The following ZNF480 variants were observed in gnomAD, a reference collection of about 807,000 sequenced individuals.
ZNF480 encodes zinc finger protein 480.
A neutral mutation model predicts 14.4 loss-of-function variants in ZNF480; 15 were observed. The ratio of observed to expected loss-of-function variants is 1.04; its 90% CI spans 0.70 to 1.60. The LOEUF is 1.60. Ranked by LOEUF, ZNF480 falls within the 40% of genes most tolerant of loss-of-function variation. The pLI, the probability that ZNF480 is intolerant of heterozygous loss-of-function variation, is 0.00. For synonymous variants in ZNF480, 218 were observed against 215.5 expected (o/e 1.01, Z -0.10); for missense variants, 593 against 629.7 (o/e 0.94, Z 0.62).
intron 2 of ZNF480, among the ~76,000 whole-genome samples, chr19:52,307,166 A>G (rs1361174048): frequency 6.6e-6 from 1 of 152,204 alleles, no homozygotes; most frequent in Non-Finnish European, 1.5e-5. Context: ...TGACTTCTTC[A>G]GTGTGCTGCC....
intron 2 of ZNF480, among the ~76,000 whole-genome samples, chr19:52,302,433 T>C (rs1489959266): frequency 2.6e-5 from 4 of 152,246 alleles, no homozygotes; most frequent in Admixed American, 1.3e-4. Context: ...TTGTGAATTA[T>C]ATGGGATGCC....
At position 52,310,719 on chromosome 19, in the gene ZNF480, A is replaced by G. The variant is rs147993636; in HGVS notation, c.73-3434A>G. ...GTAATTTCTTAAGATGTATACTGCT[A>G]GCCGGTCATGGTGGCTCATGCCTGT... On this transcript the variant is annotated intron_variant, in intron 2 of 4. Transcript: ENST00000595962. Among the ~76,000 whole-genome samples the G allele has an allele frequency of 8.4e-3, 1,281 of 151,962 alleles. 18 individuals carry two copies. The highest frequency in any genetic ancestry group is 0.028 in the African/African-American group (1,171 of 41,466).
Position 52,323,170 on chromosome 19 carries a change from T to G in ZNF480, c.*312T>G. 1 of 243,660 alleles carries G rather than the reference T, an allele frequency of 4.1e-6. No homozygotes were observed. Among genetic ancestry groups the G allele is most frequent in the East Asian group, 8.4e-5 (1 of 11,846 alleles). 15.1% of individuals were successfully genotyped at this position (243,660 alleles called of 1,614,324 possible). On this transcript the variant is annotated 3_prime_UTR_variant, in exon 5 of 5. Transcript: ENST00000595962. ...TACGAAAAACCCTCAAAGATTACTA[T>G]AAACACCTGTATGCACACAAACTAG...
Position 52,314,009 on chromosome 19 carries a change from A to T in ZNF480, c.73-144A>T, listed in dbSNP as rs891693901. ...AAAGAAAAAAAACACATTTACAGAC[A>T]CATAACTACATCACAGATACCTTAA... is the stretch of plus-strand genomic sequence containing the variant. On this transcript the variant is annotated intron_variant, in intron 2 of 4. Transcript: ENST00000595962. 40 of 906,308 alleles carry T rather than the reference A, an allele frequency of 4.4e-5. No individual in the cohort carries two copies. In the African/African-American group the frequency reaches 6.9e-4, roughly 16 times the overall value. The allele number at this position is 906,308 out of a possible 1,614,324, so 56.1% of individuals were successfully genotyped here. A position where few individuals can be genotyped will look rare whatever the true frequency, so the allele number is the denominator to read the frequency against.
chr19:52,298,614 A>G (rs1290164556), intron 1 of ZNF480, among the ~76,000 whole-genome samples: 1 of 151,832 alleles, frequency 6.6e-6, no homozygotes, highest in Non-Finnish European at 1.5e-5. Flanking sequence ...CTGGGCGACA[A>G]GAGCAAAACT....
chr19:52,318,753 A>G (rs925489935), intron 4 of ZNF480, among the ~76,000 whole-genome samples: 5 of 152,096 alleles, frequency 3.3e-5, no homozygotes. Flanking sequence ...CTTCAGCACT[A>G]TTTGATGAAG....
At position 52,309,175 on chromosome 19, in the gene ZNF480, A is replaced by G. The variant is rs73058024; in HGVS notation, c.73-4978A>G. Reference sequence around the variant, plus strand: ...TTTACTCCTTTACAACTTCATGTGAACGTTCTCTGAATTAACAATCAGTCA... The same window carrying G: ...TTTACTCCTTTACAACTTCATGTGAGCGTTCTCTGAATTAACAATCAGTCA... On this transcript the variant is annotated intron_variant, in intron 2 of 4. Transcript: ENST00000595962. Among the ~76,000 whole-genome samples, 514 of 152,272 alleles carry G rather than the reference A, an allele frequency of 3.4e-3. 2 individuals carry two copies. The highest frequency in any genetic ancestry group is 6.8e-3 in the South Asian group (33 of 4,818).
In ZNF480 at chr19:52,314,202, G is replaced by A. The variant is rs760337976; in HGVS notation, c.122G>A (p.Trp41Ter). ...GCCATAGAATTCTCTCAGGCGGAGT[G>A]GAAATGCCTGGACCCTGCACAGAGG... ...DVAIEFSQAE[W>*]KCLDPAQRAL... Residue 41 changes from tryptophan (W) to a stop codon, truncating the protein, a stop_gained, in exon 3 of 5, where the codon TGG becomes TAG. Coordinates refer to ENST00000595962, the MANE Select transcript of ZNF480 (RefSeq NM_144684.4). LOFTEE classifies it high-confidence loss of function. The A allele has an allele frequency of 8.8e-6, 14 of 1,584,282 alleles. No individual in the cohort carries two copies. Among genetic ancestry groups the A allele is most frequent in the Non-Finnish European group, 1.2e-5 (14 of 1,161,162 alleles).
At chr19:52,312,207 C>T (rs940610188) in intron 2 of ZNF480, among the ~76,000 whole-genome samples, 5 of 150,664 alleles carry the variant, frequency 3.3e-5, no homozygotes, top group Admixed American at 2.6e-4. Context: ...TGCAGTGGCG[C>T]GATATTGGCT....
At position 52,314,154 on chromosome 19, in the gene ZNF480, G is replaced by A; in HGVS notation, c.74G>A (p.Gly25Glu). Reference protein sequence around the residue: ...AKESGMALPQGHLTFRDVAIE... With the variant: ...AKESGMALPQEHLTFRDVAIE... ...GGTGAAATGTGGTTTTCATTTTAGG[G>A]ACACTTAACATTCAGGGACGTGGCC... The change falls in exon 3 of 5, where the codon GGA becomes GAA. Residue 25 changes from glycine to glutamate, a missense_variant and splice_region_variant. By Grantham distance (98) the Gly-to-Glu change is moderately conservative. Transcript: ENST00000595962. 1.3e-6 allele frequency: 2 copies of A among 1,562,798 alleles called. No individual in the cohort carries two copies. Among genetic ancestry groups the A allele is most frequent in the South Asian group, 2.2e-5 (2 of 90,574 alleles).
intron 3 of ZNF480, among the ~76,000 whole-genome samples, chr19:52,315,078 C>T (rs1175611534): frequency 6.6e-6 from 1 of 151,996 alleles, no homozygotes; most frequent in Non-Finnish European, 1.5e-5. Context: ...TTCGCCTTAG[C>T]CTCCCTAGTA....
intron 2 of ZNF480, among the ~76,000 whole-genome samples, chr19:52,306,180 G>C (rs1277010498): frequency 6.6e-6 from 1 of 152,164 alleles, no homozygotes; most frequent in African/African-American, 2.4e-5. Context: ...TGGCACTCAG[G>C]ATTGGCATTG....
At chr19:52,312,069 G>A (rs755994704) in intron 2 of ZNF480, among the ~76,000 whole-genome samples, 66 of 151,786 alleles carry the variant, frequency 4.3e-4, no homozygotes, top group Admixed American at 9.9e-4. Flanking sequence ...CCATGACCTC[G>A]GAAATTGTCG....
chr19:52,325,732 C>T lies in ZNF480; in HGVS notation c.*2874C>T, dbSNP rs541962402. ...GCTAAACATTGATTACACATGGACT[C>T]AAAGAAGGGAACAGTAGACACGGGC... On this transcript the variant is annotated 3_prime_UTR_variant, in exon 5 of 5. Transcript: ENST00000595962. 2 of 152,214 alleles carry T rather than the reference C, an allele frequency of 1.3e-5. No individual in the cohort carries two copies. The highest frequency in any genetic ancestry group is 1.9e-4 in the East Asian group (1 of 5,176). 9.4% of individuals were successfully genotyped at this position (152,214 alleles called of 1,614,324 possible). A position where few individuals can be genotyped will look rare whatever the true frequency, so the allele number is the denominator to read the frequency against.
At chr19:52,309,642 A>G (rs907593655) in intron 2 of ZNF480, among the ~76,000 whole-genome samples, 3 of 152,170 alleles carry the variant, frequency 2.0e-5, no homozygotes, top group African/African-American at 7.2e-5. Context: ...CCTCTGGATG[A>G]TGGCATGTCA....
intron 2 of ZNF480, chr19:52,307,566 A>G (rs1240737199): frequency 6.6e-6 from 1 of 152,204 alleles, no homozygotes; most frequent in Non-Finnish European, 1.5e-5. Flanking sequence ...AAATACACAG[A>G]CACAAGAATA....
chr19:52,315,573 G>A (rs753182122), intron 3 of ZNF480, among the ~76,000 whole-genome samples: 24 of 149,414 alleles, frequency 1.6e-4, no homozygotes, highest in Non-Finnish European at 3.4e-4. Flanking sequence ...CACCCGTCTC[G>A]GCCTCCCAAA....
chr19:52,315,470 C>T (rs772951586), intron 3 of ZNF480, among the ~76,000 whole-genome samples: 2 of 152,000 alleles, frequency 1.3e-5, no homozygotes, highest in Non-Finnish European at 2.9e-5. Context: ...CATGTGCCAC[C>T]ATGCTTGGCT....
rs1433784173 is a variant in ZNF480 at position 52,323,970 on chromosome 19, A to G, written c.*1112A>G. On this transcript the variant is annotated 3_prime_UTR_variant, in exon 5 of 5. Transcript: ENST00000595962. ...AGCTTAGTGATCAGGCAAGATAAAGATATGAAAGGCATATATAAATAGGAA... is the reference window on the plus strand; with the variant it reads ...AGCTTAGTGATCAGGCAAGATAAAGGTATGAAAGGCATATATAAATAGGAA... 1 of 152,192 alleles carries G rather than the reference A, an allele frequency of 6.6e-6. No homozygotes were observed. The highest frequency in any genetic ancestry group is 2.4e-5 in the African/African-American group (1 of 41,446). 9.4% of individuals were successfully genotyped at this position (152,192 alleles called of 1,614,324 possible).
Sources: gnomAD v4.1 joint callset for allele counts (sites outside exome capture counted in the v4.1 genomes callset) on GRCh38, gnomAD v4.1.1 for gene constraint, MANE v1.5 for transcripts, NCBI Gene and HGNC (gene_info 2026-07-23, HGNC 2026-07-21) for gene names.